The following RALYL variants were observed in gnomAD, a reference collection of about 807,000 sequenced individuals.
The protein encoded by RALYL is RALY RNA binding protein like.
A neutral mutation model predicts 35.1 loss-of-function variants in RALYL; 29 were observed. That is an observed-to-expected ratio of 0.83 (90% CI 0.61 to 1.13). RALYL has a LOEUF of 1.13. Ranked by LOEUF, RALYL falls within the 50% of genes most tolerant of loss-of-function variation. The pLI, the probability that RALYL is intolerant of heterozygous loss-of-function variation, is 0.00. For missense variants in RALYL, 359 were observed against 360.4 expected, an observed-to-expected ratio of 1.00 and a Z score of 0.03; for synonymous variants, 120 against 127.6, an observed-to-expected ratio of 0.94 and a Z score of 0.40.
At chr8:84,356,080 G>A (rs28379366) in intron 1 of RALYL, among the ~76,000 whole-genome samples, 6,771 of 149,844 alleles carry the variant, frequency 0.045, 416 homozygotes, top group Middle Eastern at 0.095. Context: ...TTGTGAAGAA[G>A]GTGCTTCCTT....
intron 1 of RALYL, among the ~76,000 whole-genome samples, chr8:84,315,863 TTG>T (rs1322276823): frequency 1.3e-5 from 2 of 151,226 alleles, no homozygotes; most frequent in African/African-American, 4.9e-5. Flanking sequence ...AATATTAAAA[TTG>T]TATTGAACAT....
chr8:84,904,383 A>C (rs1394764200), intron 8 of RALYL, among the ~76,000 whole-genome samples: 2 of 152,204 alleles, frequency 1.3e-5, no homozygotes, highest in African/African-American at 4.8e-5. Context: ...AGGTTTAAGG[A>C]AACTAGTATT....
intron 1 of RALYL, among the ~76,000 whole-genome samples, chr8:84,201,805 G>T (rs925476028): frequency 4.5e-4 from 69 of 152,046 alleles, no homozygotes; most frequent in African/African-American, 1.5e-3. Flanking sequence ...GACCTCAAGC[G>T]ATTCTCCCAC....
chr8:84,660,662 T>C (rs936563510), intron 2 of RALYL, among the ~76,000 whole-genome samples: 2 of 151,926 alleles, frequency 1.3e-5, no homozygotes, highest in Non-Finnish European at 2.9e-5. Flanking sequence ...GTTTTCAACT[T>C]AAAGATACCT....
intron 2 of RALYL, among the ~76,000 whole-genome samples, chr8:84,656,675 G>A (rs183815141): frequency 1.2e-4 from 19 of 152,082 alleles, no homozygotes; most frequent in Middle Eastern, 6.8e-3. Context: ...AACATACCAA[G>A]TTACCCAAAA....
intron 1 of RALYL, among the ~76,000 whole-genome samples, chr8:84,511,222 G>A (rs1406285953): frequency 3.3e-5 from 5 of 152,164 alleles, no homozygotes; most frequent in African/African-American, 1.2e-4. Flanking sequence ...TGTGCTTAAA[G>A]TTTAGGCTTC....
intron 2 of RALYL, among the ~76,000 whole-genome samples, chr8:84,551,286 T>C (rs1257966056): frequency 1.3e-5 from 2 of 152,164 alleles, no homozygotes; most frequent in African/African-American, 2.4e-5. Flanking sequence ...CTGTTTCCAT[T>C]AACATGCATT....
intron 3 of RALYL, among the ~76,000 whole-genome samples, chr8:84,775,685 T>C (rs1816679034): frequency 6.6e-6 from 1 of 152,210 alleles, no homozygotes; most frequent in Admixed American, 6.5e-5. Context: ...AGAATCCAGG[T>C]GAAGAGATTT....
At chr8:84,210,444 T>C (rs1255404136) in intron 1 of RALYL, among the ~76,000 whole-genome samples, 2 of 151,856 alleles carry the variant, frequency 1.3e-5, no homozygotes, top group Non-Finnish European at 2.9e-5. Context: ...CACGAGTTGC[T>C]TCTCACTTAA....
intron 4 of RALYL, among the ~76,000 whole-genome samples, chr8:84,827,969 T>C (rs555013109): frequency 9.9e-5 from 15 of 151,972 alleles, no homozygotes; most frequent in Non-Finnish European, 1.8e-4. Flanking sequence ...ATTTAAATTG[T>C]TTTACTTTGA....
intron 1 of RALYL, among the ~76,000 whole-genome samples, chr8:84,184,646 C>A (rs866584309): frequency 5.9e-5 from 9 of 152,066 alleles, no homozygotes; most frequent in South Asian, 2.1e-4. Context: ...AAAATACAGT[C>A]CCCTCCCCCC....
intron 2 of RALYL, among the ~76,000 whole-genome samples, chr8:84,751,095 A>G (rs1809868675): frequency 6.6e-6 from 1 of 152,110 alleles, no homozygotes; most frequent in South Asian, 2.1e-4. Context: ...TCCTGTGACC[A>G]TGATAAGTAT....
intron 1 of RALYL, among the ~76,000 whole-genome samples, chr8:84,327,142 G>A (rs1203848814): frequency 6.6e-6 from 1 of 152,138 alleles, no homozygotes; most frequent in Non-Finnish European, 1.5e-5. Context: ...TAGAGCCTAG[G>A]AATGTAGTGC....
At chr8:84,277,416 T>G (rs933263024) in intron 1 of RALYL, among the ~76,000 whole-genome samples, 4 of 152,072 alleles carry the variant, frequency 2.6e-5, no homozygotes, top group Non-Finnish European at 5.9e-5. Context: ...AAGGTGAGAT[T>G]TGGGTGGGGA....
chr8:84,415,214 TTTTTG>T (rs2044545362), intron 1 of RALYL, among the ~76,000 whole-genome samples: 1 of 151,144 alleles, frequency 6.6e-6, no homozygotes, highest in South Asian at 2.1e-4. Context: ...CGTTTTTTTT[TTTTTG>T]TTTTTTTGTT....
chr8:84,686,384 T>C (rs1271279750), intron 2 of RALYL, among the ~76,000 whole-genome samples: 1 of 148,150 alleles, frequency 6.7e-6, no homozygotes, highest in Non-Finnish European at 1.5e-5. Context: ...TTAGCTATAT[T>C]AATACATCAT....
rs563546980 is a variant in RALYL, at chr8:84,693,698, T to C, written c.257-80881T>C. 9.9e-5 allele frequency among the ~76,000 whole-genome samples: 15 copies of C among 151,976 alleles called. No homozygotes were observed. In the South Asian group the frequency reaches 3.1e-3, roughly 31 times the overall value. On this transcript the variant is annotated intron_variant, in intron 2 of 8. Transcript: ENST00000521268. Reference sequence around the variant, plus strand: ...TACAGGCTGATATTCCTGATGAACATAGATGTAAAAATTCTCAACAAAATA... The same window carrying C: ...TACAGGCTGATATTCCTGATGAACACAGATGTAAAAATTCTCAACAAAATA...
chr8:84,750,621 C>T (rs965581049), intron 2 of RALYL, among the ~76,000 whole-genome samples: 2 of 152,140 alleles, frequency 1.3e-5, no homozygotes, highest in African/African-American at 4.8e-5. Flanking sequence ...GGTTTGTGCT[C>T]TTATGAATGG....
chr8:84,468,210 C>T (rs1240357100), intron 1 of RALYL, among the ~76,000 whole-genome samples: 1 of 151,518 alleles, frequency 6.6e-6, no homozygotes, highest in East Asian at 1.9e-4. Flanking sequence ...TGATTTTGCT[C>T]GTTAGTTGAT....
Sources: gnomAD v4.1 joint callset for allele counts (sites outside exome capture counted in the v4.1 genomes callset) on GRCh38, gnomAD v4.1.1 for gene constraint, MANE v1.5 for transcripts, NCBI Gene and HGNC (gene_info 2026-07-23, HGNC 2026-07-21) for gene names.